TENM3: variants seen among roughly 807,000 people sequenced by gnomAD.
TENM3 encodes the protein teneurin-3.
TENM3 carries 63 observed loss-of-function variants against 255.1 expected under a neutral mutation model. The observed-to-expected ratio is 0.25, with a 90% CI of 0.20 to 0.30. The LOEUF is 0.30. TENM3 is among the 10% of genes least tolerant of loss of function. TENM3 has a pLI of 1.00. For synonymous variants in TENM3, 1,306 were observed against 1,322.3 expected (o/e 0.99, Z 0.27); for missense variants, 2,929 against 3,461.1 (o/e 0.85, Z 3.86).
chr4:181,451,559 G>T, the TENM3 span, among the ~76,000 whole-genome samples: 1 of 152,152 alleles, frequency 6.6e-6, no homozygotes, highest in Non-Finnish European at 1.5e-5. Context: ...ACCAGTTGAG[G>T]AAGAAGAAAA....
At chr4:182,052,200 A>C in the TENM3 span, among the ~76,000 whole-genome samples, 3 of 152,142 alleles carry the variant, frequency 2.0e-5, no homozygotes, top group Non-Finnish European at 2.9e-5. Flanking sequence ...CCCAGAAATC[A>C]TGAAGATCCT....
At chr4:181,600,962 GC>G in the TENM3 span, among the ~76,000 whole-genome samples, 1 of 152,164 alleles carries the variant, frequency 6.6e-6, no homozygotes, top group Non-Finnish European at 1.5e-5. Context: ...GGTCACAGAA[GC>G]GTGGTGGTCT....
chr4:181,990,885 G>T, the TENM3 span, among the ~76,000 whole-genome samples: 1 of 152,076 alleles, frequency 6.6e-6, no homozygotes, highest in Non-Finnish European at 1.5e-5. Context: ...TCACTGATAG[G>T]AAACAGATTC....
intron 1 of TENM3, among the ~76,000 whole-genome samples, chr4:182,261,241 C>T (rs748255290): frequency 2.4e-4 from 36 of 152,262 alleles, no homozygotes; most frequent in Non-Finnish European, 4.3e-4. Flanking sequence ...CACTGAAGTT[C>T]GAGACACTGA....
chr4:182,068,838 A>C, the TENM3 span, among the ~76,000 whole-genome samples: 1 of 152,260 alleles, frequency 6.6e-6, no homozygotes, highest in African/African-American at 2.4e-5. Context: ...TAAACGCATT[A>C]ATGATCAAGA....
the TENM3 span, chr4:181,821,607 T>C: frequency 6.6e-6 from 1 of 152,218 alleles, no homozygotes. Flanking sequence ...TGAGCGGTAT[T>C]TATACAGCTG....
At chr4:182,450,722 C>G (rs1173074195) in intron 3 of TENM3, among the ~76,000 whole-genome samples, 2 of 152,116 alleles carry the variant, frequency 1.3e-5, no homozygotes, top group South Asian at 4.1e-4. Context: ...CTGTGAAAGA[C>G]TGAAATTAGG....
chr4:182,614,843 C>T (rs1404893809), intron 4 of TENM3, among the ~76,000 whole-genome samples: 2 of 151,360 alleles, frequency 1.3e-5, no homozygotes, highest in East Asian at 3.9e-4. Flanking sequence ...TTTTTGCTGC[C>T]TCCAACCTCA....
At chr4:182,385,143 G>C (rs1258758155) in intron 3 of TENM3, among the ~76,000 whole-genome samples, 1 of 151,418 alleles carries the variant, frequency 6.6e-6, no homozygotes, top group Non-Finnish European at 1.5e-5. Flanking sequence ...TGCTTGTCCA[G>C]ATTAAACTCC....
chr4:182,046,920 T>C, the TENM3 span, among the ~76,000 whole-genome samples: 1 of 152,206 alleles, frequency 6.6e-6, no homozygotes, highest in Non-Finnish European at 1.5e-5. Context: ...CAAGAATTTT[T>C]CTTTTTTAAT....
At chr4:181,468,399 C>T in the TENM3 span, among the ~76,000 whole-genome samples, 10 of 152,188 alleles carry the variant, frequency 6.6e-5, no homozygotes, top group African/African-American at 2.4e-4. Flanking sequence ...CCAGTTATTG[C>T]AAATGTGCTT....
the TENM3 span, among the ~76,000 whole-genome samples, chr4:181,694,730 C>G: frequency 6.6e-6 from 1 of 152,188 alleles, no homozygotes; most frequent in African/African-American, 2.4e-5. Context: ...ATGGAATACA[C>G]AGAGCTTTGC....
chr4:182,502,525 A>T (rs999486784), intron 3 of TENM3, among the ~76,000 whole-genome samples: 9 of 151,992 alleles, frequency 5.9e-5, no homozygotes, highest in Admixed American at 1.3e-4. Context: ...TTCATTGTAC[A>T]TTCTCAGAGA....
intron 1 of TENM3, among the ~76,000 whole-genome samples, chr4:182,153,041 GCTTTTAT>G (rs1473693349): frequency 6.6e-6 from 1 of 151,560 alleles, no homozygotes; most frequent in East Asian, 1.9e-4. Flanking sequence ...CTACACTTGG[GCTTTTAT>G]CTTTTATATG....
At chr4:181,596,451 A>G in the TENM3 span, among the ~76,000 whole-genome samples, 1 of 152,140 alleles carries the variant, frequency 6.6e-6, no homozygotes, top group Admixed American at 6.5e-5. Context: ...CAGAGCCACA[A>G]CAAGGAGAAG....
At chr4:182,609,797 G>A (rs1748813275) in intron 4 of TENM3, among the ~76,000 whole-genome samples, 1 of 150,578 alleles carries the variant, frequency 6.6e-6, no homozygotes, top group South Asian at 2.1e-4. Context: ...AAATGGGATT[G>A]TAATACTTCA....
At chr4:181,957,388 G>T in the TENM3 span, among the ~76,000 whole-genome samples, 4 of 152,136 alleles carry the variant, frequency 2.6e-5, no homozygotes, top group African/African-American at 2.4e-5. Flanking sequence ...GGATCACAAA[G>T]TACAGGATTA....
In TENM3 at chr4:182,270,908, TAC is replaced by T. The variant is rs138051960; in HGVS notation, c.-76+27434_-76+27435del. Among the ~76,000 whole-genome samples, 1,364 of 152,302 alleles carry T rather than the reference TAC, an allele frequency of 9.0e-3. 15 individuals are homozygous for T. The highest frequency in any genetic ancestry group is 0.029 in the African/African-American group (1,219 of 41,572). Reference sequence around the variant, plus strand: ...ATCCCCCTGAAAATCGCATTATCCCTACATTCAGCCCAAGTCGTGGATCCTGG... The same window carrying T: ...ATCCCCCTGAAAATCGCATTATCCCTATTCAGCCCAAGTCGTGGATCCTGG... On this transcript the variant is annotated intron_variant, in intron 1 of 27. Transcript: ENST00000511685.
chr4:181,611,184 G>A, the TENM3 span, among the ~76,000 whole-genome samples: 174 of 152,306 alleles, frequency 1.1e-3, no homozygotes, highest in African/African-American at 4.1e-3. Context: ...GTAGGCGAAC[G>A]TGGGAGAGCC....
Sources: allele counts gnomAD v4.1 joint callset (sites outside exome capture counted in the v4.1 genomes callset), GRCh38; gene constraint gnomAD v4.1.1; transcripts MANE v1.5; gene names NCBI Gene and HGNC (gene_info 2026-07-23, HGNC 2026-07-21).